The following PTPRO variants were observed in gnomAD, a reference collection of about 807,000 sequenced individuals.
The protein encoded by PTPRO is receptor-type tyrosine-protein phosphatase O.
Under a neutral mutation model 145.2 loss-of-function variants are expected in PTPRO, and 62 were observed. The observed-to-expected ratio is 0.43, with a 90% CI of 0.35 to 0.53. The LOEUF is 0.53. PTPRO is among the 20% of genes least tolerant of loss of function. The probability of loss-of-function intolerance (pLI) is 0.01; values close to 1 mark genes in which losing one functional copy is unlikely to be tolerated. For missense variants in PTPRO, 1,345 were observed against 1,482.7 expected (o/e 0.91, Z 1.53); for synonymous variants, 565 against 514.7 (o/e 1.10, Z -1.32).
At chr12:15,425,130 C>G (rs1461038) in intron 1 of PTPRO, among the ~76,000 whole-genome samples, 68,412 of 151,872 alleles carry the variant, frequency 0.45, 16,719 homozygotes, top group South Asian at 0.61. Flanking sequence ...CATGAGTAGT[C>G]ATCCTTTGTC....
intron 12 of PTPRO, among the ~76,000 whole-genome samples, chr12:15,541,853 A>T (rs1943186889): frequency 6.6e-6 from 1 of 152,164 alleles, no homozygotes; most frequent in South Asian, 2.1e-4. Flanking sequence ...CTCTACTAAA[A>T]ATACAAAAAT....
At chr12:15,503,680 T>C (rs1021587308) in intron 5 of PTPRO, among the ~76,000 whole-genome samples, 1 of 152,154 alleles carries the variant, frequency 6.6e-6, no homozygotes, top group Non-Finnish European at 1.5e-5. Context: ...TCCCTAGTTT[T>C]ATTGATTTGA....
intron 1 of PTPRO, among the ~76,000 whole-genome samples, chr12:15,359,745 G>A (rs1938117375): frequency 1.3e-5 from 2 of 152,098 alleles, no homozygotes; most frequent in South Asian, 4.1e-4. Context: ...CTATTTTTCT[G>A]TCATGTTTTT....
chr12:15,549,363 T>G, intron 14 of PTPRO, 137 bp downstream of exon 14: 483 of 492,702 alleles, frequency 9.8e-4, no homozygotes, highest in Non-Finnish European at 1.2e-3. Flanking sequence ...AAAGTGCACT[T>G]ACTAGCTATG....
At chr12:15,360,961 CATATATACACACGT>C (rs1201723510) in intron 1 of PTPRO, among the ~76,000 whole-genome samples, 3 of 145,288 alleles carry the variant, frequency 2.1e-5, no homozygotes, top group African/African-American at 5.1e-5. Flanking sequence ...TATACACACA[CATATATACACACGT>C]ATATATACAC....
intron 19 of PTPRO, among the ~76,000 whole-genome samples, chr12:15,570,489 A>G (rs534436047): frequency 7.2e-5 from 11 of 152,318 alleles, no homozygotes; most frequent in Non-Finnish European, 1.3e-4. Flanking sequence ...GAATTTGAGG[A>G]TGAGAAGAAT....
Position 15,524,965 on chromosome 12 carries a change from T to C in PTPRO, c.2043T>C (p.Ser681=). 6.2e-7 allele frequency: 1 copy of C among 1,613,576 alleles called. No homozygotes were observed. Among genetic ancestry groups the C allele is most frequent in the Non-Finnish European group, 8.5e-7 (1 of 1,179,862 alleles). ...VAEGKKKIKK[S]VTRNVMTAIL... ...AAGGAAAAAAGAAAATTAAAAAGAGTGTATGTTTCTTTGAATGCCAGCATT... is the reference window on the plus strand; with the variant it reads ...AAGGAAAAAAGAAAATTAAAAAGAGCGTATGTTTCTTTGAATGCCAGCATT... Residue 681 remains serine (S), a splice_region_variant and synonymous_variant, in exon 11 of 27, where the codon AGT becomes AGC. Transcript: ENST00000281171.
chr12:15,386,061 T>C (rs1337849239), intron 1 of PTPRO, among the ~76,000 whole-genome samples: 1 of 152,042 alleles, frequency 6.6e-6, no homozygotes, highest in Non-Finnish European at 1.5e-5. Context: ...TTGTTTGTGA[T>C]GAATCTAGAT....
intron 1 of PTPRO, among the ~76,000 whole-genome samples, chr12:15,401,511 C>G (rs1029015609): frequency 6.6e-6 from 1 of 152,038 alleles, no homozygotes; most frequent in Non-Finnish European, 1.5e-5. Flanking sequence ...ATAGATTAGG[C>G]TAATGATAAC....
At chr12:15,357,383 T>C (rs1938030171) in intron 1 of PTPRO, among the ~76,000 whole-genome samples, 1 of 152,226 alleles carries the variant, frequency 6.6e-6, no homozygotes, top group African/African-American at 2.4e-5. Context: ...TTCAGTATGC[T>C]GAATGGTTTG....
At chr12:15,460,341 C>T (rs1941274037) in intron 1 of PTPRO, among the ~76,000 whole-genome samples, 1 of 152,088 alleles carries the variant, frequency 6.6e-6, no homozygotes, top group African/African-American at 2.4e-5. Flanking sequence ...ATTTCATATG[C>T]CTTTTTGTTT....
chr12:15,535,540 G>T (rs958566689), intron 12 of PTPRO, among the ~76,000 whole-genome samples: 1 of 152,236 alleles, frequency 6.6e-6, no homozygotes, highest in Non-Finnish European at 1.5e-5. Context: ...TAACTTTAGT[G>T]CTAGGAGAGC....
At position 15,404,131 on chromosome 12, in the gene PTPRO, G is replaced by A. The variant is rs1417284938; in HGVS notation, c.76-79843G>A. Among the ~76,000 whole-genome samples the A allele has an allele frequency of 2.1e-5, 3 of 143,858 alleles. No individual in the cohort carries two copies. The East Asian group carries it at 6.4e-4, about 31-fold the overall frequency. 94.4% of individuals were successfully genotyped at this position (143,858 alleles called of 152,430 possible). A position where few individuals can be genotyped will look rare whatever the true frequency, so the allele number is the denominator to read the frequency against. On this transcript the variant is annotated intron_variant, in intron 1 of 26. Transcript: ENST00000281171. Reference sequence around the variant, plus strand: ...GAATGCCTGGGAGATGGAGCTTGCAGTGAGCCGAGATCTCGCCACTGCACT... The same window carrying A: ...GAATGCCTGGGAGATGGAGCTTGCAATGAGCCGAGATCTCGCCACTGCACT...
At chr12:15,353,412 C>CA (rs1304517973) in intron 1 of PTPRO, among the ~76,000 whole-genome samples, 2 of 141,738 alleles carry the variant, frequency 1.4e-5, no homozygotes, top group African/African-American at 2.5e-5. Context: ...CATGTTGATG[C>CA]AGTTTTTTTT....
At chr12:15,487,588 A>C (rs1941916309) in intron 2 of PTPRO, among the ~76,000 whole-genome samples, 1 of 151,846 alleles carries the variant, frequency 6.6e-6, no homozygotes, top group African/African-American at 2.4e-5. Context: ...CCCCATCCCC[A>C]GCCCCCCAGA....
At chr12:15,413,539 G>T (rs1451642327) in intron 1 of PTPRO, among the ~76,000 whole-genome samples, 1 of 152,124 alleles carries the variant, frequency 6.6e-6, no homozygotes, top group Non-Finnish European at 1.5e-5. Flanking sequence ...TGGAGGCCAG[G>T]CACGGTGGCT....
intron 1 of PTPRO, among the ~76,000 whole-genome samples, chr12:15,476,505 T>A (rs936099515): frequency 4.6e-5 from 7 of 151,318 alleles, no homozygotes; most frequent in South Asian, 4.2e-4. Context: ...TTTTCTCCCA[T>A]GTTGTAGGTT....
At chr12:15,435,684 C>T (rs1423746137) in intron 1 of PTPRO, among the ~76,000 whole-genome samples, 2 of 151,314 alleles carry the variant, frequency 1.3e-5, no homozygotes, top group Non-Finnish European at 2.9e-5. Flanking sequence ...TTGAGAATTT[C>T]TGAGAAATGT....
intron 2 of PTPRO, among the ~76,000 whole-genome samples, chr12:15,496,006 C>G (rs1306376069): frequency 6.6e-6 from 1 of 151,918 alleles, no homozygotes; most frequent in Non-Finnish European, 1.5e-5. Context: ...CTGCACAGAA[C>G]AAGAAAAATG....
Sources: allele counts gnomAD v4.1 joint callset (sites outside exome capture counted in the v4.1 genomes callset), GRCh38; gene constraint gnomAD v4.1.1; transcripts MANE v1.5; gene names NCBI Gene and HGNC (gene_info 2026-07-23, HGNC 2026-07-21).